Variants in B3GALT1 observed in about 807,000 individuals in gnomAD.
The protein encoded by B3GALT1 is UDP-Gal:betaGlcNAc beta 1,3-galactosyltransferase, polypeptide 1.
A neutral mutation model predicts 23.2 loss-of-function variants in B3GALT1; 10 were observed. The observed-to-expected ratio is 0.43, with a 90% CI of 0.27 to 0.73. B3GALT1 has a LOEUF of 0.73. Ranked by LOEUF, B3GALT1 falls within the 30% of genes least tolerant of loss-of-function variation. The pLI, the probability that B3GALT1 is intolerant of heterozygous loss-of-function variation, is 0.21. For synonymous variants in B3GALT1, 156 were observed against 141.5 expected (o/e 1.10, Z -0.73); for missense variants, 299 against 405.4 (o/e 0.74, Z 2.25).
chr2:167,335,904 C>T (rs1394814831), intron 1 of B3GALT1, among the ~76,000 whole-genome samples: 2 of 152,108 alleles, frequency 1.3e-5, no homozygotes, highest in Non-Finnish European at 2.9e-5. Flanking sequence ...TTTTACCCAG[C>T]CCCTATTCAA....
chr2:167,496,360 A>C (rs920625391), intron 2 of B3GALT1, among the ~76,000 whole-genome samples: 3 of 152,146 alleles, frequency 2.0e-5, no homozygotes, highest in Non-Finnish European at 4.4e-5. Flanking sequence ...TGAGAAGATA[A>C]ATTTGGGCTT....
chr2:167,303,644 TACACACAC>T (rs61323885), intron 1 of B3GALT1, among the ~76,000 whole-genome samples: 59,082 of 144,880 alleles, frequency 0.41, 14,564 homozygotes, highest in Non-Finnish European at 0.55. Context: ...AACACACACA[TACACACAC>T]ACACACACAC....
chr2:167,584,787 G>A (rs1279633868), intron 2 of B3GALT1, among the ~76,000 whole-genome samples: 1 of 152,164 alleles, frequency 6.6e-6, no homozygotes, highest in Non-Finnish European at 1.5e-5. Context: ...GATGCATAGG[G>A]CAAGGCATAT....
intron 1 of B3GALT1, among the ~76,000 whole-genome samples, chr2:167,341,475 A>G (rs1697144711): frequency 6.6e-6 from 1 of 152,160 alleles, no homozygotes; most frequent in Non-Finnish European, 1.5e-5. Context: ...CAGCCTGGCC[A>G]ATGTGGCGAA....
chr2:167,514,302 G>A (rs534728885), intron 2 of B3GALT1, among the ~76,000 whole-genome samples: 4 of 152,254 alleles, frequency 2.6e-5, no homozygotes, highest in Admixed American at 1.3e-4. Flanking sequence ...AGAGGATCTC[G>A]ATTATCCCAT....
intron 3 of B3GALT1, among the ~76,000 whole-genome samples, chr2:167,709,540 C>G (rs1319378380): frequency 6.6e-6 from 1 of 152,084 alleles, no homozygotes; most frequent in African/African-American, 2.4e-5. Context: ...ATGTACTAAG[C>G]CTTGATAGGA....
At chr2:167,865,649 A>G (rs1017775114) in intron 4 of B3GALT1, among the ~76,000 whole-genome samples, 3 of 151,900 alleles carry the variant, frequency 2.0e-5, no homozygotes, top group Admixed American at 6.6e-5. Flanking sequence ...AAAATTAGCC[A>G]GGCGTGGTGG....
intron 1 of B3GALT1, among the ~76,000 whole-genome samples, chr2:167,392,956 C>T (rs760098030): frequency 3.3e-5 from 5 of 152,150 alleles, no homozygotes; most frequent in South Asian, 4.1e-4. Flanking sequence ...AATGTTTAGC[C>T]GGGCGCAGTG....
chr2:167,650,045 C>T (rs1285366326), intron 3 of B3GALT1, among the ~76,000 whole-genome samples: 1 of 151,872 alleles, frequency 6.6e-6, no homozygotes, highest in African/African-American at 2.4e-5. Flanking sequence ...GATGTTAGCT[C>T]TAGCTTTTTC....
intron 2 of B3GALT1, among the ~76,000 whole-genome samples, chr2:167,620,348 A>G (rs1329333936): frequency 6.6e-6 from 1 of 152,084 alleles, no homozygotes; most frequent in Non-Finnish European, 1.5e-5. Context: ...TACAAGAGAA[A>G]GTAACTAGAG....
intron 2 of B3GALT1, among the ~76,000 whole-genome samples, chr2:167,640,547 T>TA (rs1400748256): frequency 1.4e-5 from 1 of 71,432 alleles, no homozygotes; most frequent in East Asian, 4.6e-4. Flanking sequence ...GTAAGTTTGA[T>TA]TTTTTTTTCC....
chr2:167,800,404 C>T (rs566434134), intron 3 of B3GALT1, among the ~76,000 whole-genome samples: 49 of 152,254 alleles, frequency 3.2e-4, no homozygotes, highest in African/African-American at 1.2e-3. Context: ...GAAAAACTCC[C>T]ACCTGAACTA....
intron 1 of B3GALT1, among the ~76,000 whole-genome samples, chr2:167,322,603 T>C (rs1696830723): frequency 6.6e-6 from 1 of 151,980 alleles, no homozygotes; most frequent in African/African-American, 2.4e-5. Context: ...TGAAAAGTAT[T>C]TGGTAGCGAT....
intron 1 of B3GALT1, among the ~76,000 whole-genome samples, chr2:167,294,041 G>A (rs911166805): frequency 2.0e-5 from 3 of 152,220 alleles, no homozygotes; most frequent in African/African-American, 4.8e-5. Context: ...CAGACTTGAG[G>A]ATGGAGAGTC....
At chr2:167,795,341 A>G (rs1366367690) in intron 3 of B3GALT1, among the ~76,000 whole-genome samples, 3 of 152,162 alleles carry the variant, frequency 2.0e-5, no homozygotes, top group African/African-American at 7.2e-5. Flanking sequence ...CATAACACCA[A>G]TGGTCCCTTT....
At chr2:167,503,183 A>G (rs578259127) in intron 2 of B3GALT1, among the ~76,000 whole-genome samples, 4 of 152,314 alleles carry the variant, frequency 2.6e-5, no homozygotes, top group South Asian at 2.1e-4. Flanking sequence ...ACACTGAAAC[A>G]TCTTAAATTT....
chr2:167,714,663 G>C, intron 3 of B3GALT1: 5 of 1,613,808 alleles, frequency 3.1e-6, no homozygotes. Context: ...TCAGCAGTCC[G>C]AGCTGCCAAC....
At chr2:167,654,930 T>C (rs971730049) in intron 3 of B3GALT1, among the ~76,000 whole-genome samples, 3 of 151,990 alleles carry the variant, frequency 2.0e-5, no homozygotes, top group African/African-American at 4.8e-5. Context: ...TGTAATTATC[T>C]GGGGAGGATA....
At chr2:167,795,180 G>T (rs1688524340) in intron 3 of B3GALT1, among the ~76,000 whole-genome samples, 1 of 152,082 alleles carries the variant, frequency 6.6e-6, no homozygotes, top group African/African-American at 2.4e-5. Context: ...AGTTCTATTG[G>T]AAAACTATCA....
Sources: gnomAD v4.1 joint callset for allele counts (sites outside exome capture counted in the v4.1 genomes callset) on GRCh38, gnomAD v4.1.1 for gene constraint, MANE v1.5 for transcripts, NCBI Gene and HGNC (gene_info 2026-07-23, HGNC 2026-07-21) for gene names.